RGS7: variants seen among roughly 807,000 people sequenced by gnomAD.
RGS7 encodes the protein regulator of G protein signaling 7, also known as regulator of G-protein signaling 7.
In RGS7, 27 loss-of-function variants were observed where a neutral mutation model predicts 81.1. The observed-to-expected ratio is 0.33, with a 90% CI of 0.25 to 0.46. RGS7 has a LOEUF of 0.46. Among genes scored for constraint, RGS7 ranks in the 20% least tolerant of loss-of-function variants. RGS7 has a pLI of 1.00. For synonymous variants in RGS7, 208 were observed against 207.7 expected, an observed-to-expected ratio of 1.00 and a Z score of -0.01; for missense variants, 396 against 607.4, an observed-to-expected ratio of 0.65 and a Z score of 3.66.
At chr1:241,141,348 T>C (rs1192598500) in intron 2 of RGS7, among the ~76,000 whole-genome samples, 1 of 152,204 alleles carries the variant, frequency 6.6e-6, no homozygotes, top group African/African-American at 2.4e-5. Flanking sequence ...GTGCTGTAAC[T>C]GTCACAAATG....
chr1:241,106,992 C>A (rs114570468), intron 2 of RGS7, among the ~76,000 whole-genome samples: 1,950 of 151,890 alleles, frequency 0.013, 46 homozygotes, highest in African/African-American at 0.043. Flanking sequence ...ATTATGCTCA[C>A]TGTGTTTGTT....
At position 240,794,202 on chromosome 1, in the gene RGS7, A is replaced by AAT. The variant is rs775967510; in HGVS notation, c.*6+6437_*6+6438dup. On this transcript the variant is annotated intron_variant, in intron 18 of 18. Transcript: ENST00000440928. ...CTCTTACCATGCCTACAACTTCATTAATATATATATAATCTAGAAAAAGAA... is the reference window on the plus strand; with the variant it reads ...CTCTTACCATGCCTACAACTTCATTAATATATATATATAATCTAGAAAAAGAA... Among the ~76,000 whole-genome samples the AAT allele has an allele frequency of 3.5e-4, 54 of 152,126 alleles. 1 individual carries two copies. The highest frequency in any genetic ancestry group is 7.1e-4 in the Non-Finnish European group (48 of 68,004).
rs373899043 is a variant in RGS7 at position 241,356,634 on chromosome 1, C to T, written c.-51+265G>A. Among the ~76,000 whole-genome samples the T allele has an allele frequency of 6.8e-3, 1,032 of 152,242 alleles. 19 individuals are homozygous for T. The highest frequency in any genetic ancestry group is 0.024 in the African/African-American group (979 of 41,552). ...AGAAAACAGGCAAGCCCCTGCTCCCCTTGCTCGCTCTCACGGCAGCAGCAA... is the reference window on the plus strand; with the variant it reads ...AGAAAACAGGCAAGCCCCTGCTCCCTTTGCTCGCTCTCACGGCAGCAGCAA... On this transcript the variant is annotated intron_variant, in intron 1 of 18. Coordinates refer to ENST00000440928, the MANE Select transcript of RGS7 (RefSeq NM_001364886.1).
chr1:241,089,740 C>T (rs1479284354), intron 3 of RGS7, among the ~76,000 whole-genome samples: 1 of 151,884 alleles, frequency 6.6e-6, no homozygotes, highest in Admixed American at 6.6e-5. Context: ...ATAAACAGAC[C>T]ATAAGAGAGA....
At chr1:241,339,757 T>A (rs2082435384) in intron 2 of RGS7, among the ~76,000 whole-genome samples, 1 of 152,184 alleles carries the variant, frequency 6.6e-6, no homozygotes, top group African/African-American at 2.4e-5. Flanking sequence ...GAGCGCTTTC[T>A]GAATATTACA....
At chr1:241,304,422 G>A (rs374122173) in intron 2 of RGS7, among the ~76,000 whole-genome samples, 9 of 152,146 alleles carry the variant, frequency 5.9e-5, no homozygotes, top group South Asian at 2.1e-4. Flanking sequence ...CTGAGTTGAC[G>A]CACAGCCAAC....
intron 3 of RGS7, among the ~76,000 whole-genome samples, chr1:241,047,264 A>C (rs923179912): frequency 6.6e-6 from 1 of 152,182 alleles, no homozygotes; most frequent in African/African-American, 2.4e-5. Flanking sequence ...GGATGCTCCC[A>C]TGGTGATTTT....
At chr1:241,251,060 T>C (rs1316148029) in intron 2 of RGS7, among the ~76,000 whole-genome samples, 3 of 152,258 alleles carry the variant, frequency 2.0e-5, no homozygotes, top group Non-Finnish European at 4.4e-5. Context: ...TTTCACGGCA[T>C]ATTTTCAAAC....
At chr1:240,909,037 C>A (rs1248664936) in intron 6 of RGS7, among the ~76,000 whole-genome samples, 2 of 152,184 alleles carry the variant, frequency 1.3e-5, no homozygotes, top group Non-Finnish European at 2.9e-5. Context: ...TCACATCATA[C>A]GCAGCAGAAT....
At chr1:241,203,226 C>T (rs1020167538) in intron 2 of RGS7, among the ~76,000 whole-genome samples, 4 of 151,926 alleles carry the variant, frequency 2.6e-5, no homozygotes, top group African/African-American at 4.8e-5. Context: ...ACCTTGAGTT[C>T]TGCTTCTTTT....
At chr1:240,970,836 T>C (rs1683086542) in intron 4 of RGS7, among the ~76,000 whole-genome samples, 1 of 151,900 alleles carries the variant, frequency 6.6e-6, no homozygotes, top group Non-Finnish European at 1.5e-5. Context: ...ATACAAAAAT[T>C]AGCGTGGTGG....
At position 241,034,049 on chromosome 1, in the gene RGS7, A is replaced by C. The variant is rs571256015; in HGVS notation, c.176-50920T>G. 7.9e-5 allele frequency among the ~76,000 whole-genome samples: 12 copies of C among 152,332 alleles called. No individual in the cohort carries two copies. In the South Asian group the frequency reaches 2.5e-3, roughly 32 times the overall value. ...GAAGCATCTTAGAGACTTGTCCTGGAAAGTGTTAATCTAGAGACTCACAAA... is the reference window on the plus strand; with the variant it reads ...GAAGCATCTTAGAGACTTGTCCTGGCAAGTGTTAATCTAGAGACTCACAAA... On this transcript the variant is annotated intron_variant, in intron 3 of 18. Coordinates refer to ENST00000440928, the MANE Select transcript of RGS7 (RefSeq NM_001364886.1).
chr1:241,347,778 C>A (rs982615804), intron 2 of RGS7, among the ~76,000 whole-genome samples: 3 of 151,408 alleles, frequency 2.0e-5, no homozygotes, highest in Non-Finnish European at 4.4e-5. Context: ...CTGAAAGTTT[C>A]AAAAAAAGAG....
chr1:241,182,648 C>CTTTTT (rs34005010), intron 2 of RGS7, among the ~76,000 whole-genome samples: 28 of 118,182 alleles, frequency 2.4e-4, no homozygotes, highest in African/African-American at 8.4e-4. Context: ...GCATCTCACG[C>CTTTTT]TTTTTTTTTT....
At chr1:241,067,123 T>C (rs1469194006) in intron 3 of RGS7, among the ~76,000 whole-genome samples, 1 of 152,138 alleles carries the variant, frequency 6.6e-6, no homozygotes, top group Admixed American at 6.5e-5. Context: ...GCAAAAGAAA[T>C]TATCTCTACT....
intron 3 of RGS7, among the ~76,000 whole-genome samples, chr1:240,989,070 T>A (rs1349590040): frequency 1.3e-5 from 2 of 152,106 alleles, no homozygotes; most frequent in African/African-American, 2.4e-5. Context: ...CTGGATAACA[T>A]GAGCGACTGC....
At chr1:241,071,573 A>G (rs2062446040) in intron 3 of RGS7, among the ~76,000 whole-genome samples, 1 of 149,598 alleles carries the variant, frequency 6.7e-6, no homozygotes, top group African/African-American at 2.5e-5. Flanking sequence ...TAGTCACTTT[A>G]CTGTAAAATG....
intron 12 of RGS7, 23 bp from the exon 13 acceptor site, chr1:240,813,751 G>C (rs1350395176): frequency 1.1e-5 from 17 of 1,503,126 alleles, no homozygotes; most frequent in Non-Finnish European, 1.3e-5. Flanking sequence ...AACATTTCCA[G>C]TTTCTTTAGT....
chr1:241,056,959 CT>C (rs2061503758), intron 3 of RGS7, among the ~76,000 whole-genome samples: 1 of 152,052 alleles, frequency 6.6e-6, no homozygotes. Flanking sequence ...ATACACAGTC[CT>C]TTTTTGTCCT....
Sources: gnomAD v4.1 joint callset for allele counts (sites outside exome capture counted in the v4.1 genomes callset) on GRCh38, gnomAD v4.1.1 for gene constraint, MANE v1.5 for transcripts, NCBI Gene and HGNC (gene_info 2026-07-23, HGNC 2026-07-21) for gene names.